The following SLC17A1 variants were observed in gnomAD, a reference collection of about 807,000 sequenced individuals.
SLC17A1 encodes solute carrier family 17 member 1, also known as sodium-dependent phosphate transport protein 1.
A neutral mutation model predicts 53.5 loss-of-function variants in SLC17A1; 51 were observed. That is an observed-to-expected ratio of 0.95 (90% confidence interval 0.76 to 1.20). SLC17A1 has a LOEUF of 1.20. Among genes scored for constraint, SLC17A1 ranks in the 50% most tolerant of loss-of-function variants. SLC17A1 has a pLI of 0.00. For missense variants in SLC17A1, 538 were observed against 568.2 expected, an observed-to-expected ratio of 0.95 and a Z score of 0.54; for synonymous variants, 179 against 198.8, an observed-to-expected ratio of 0.90 and a Z score of 0.84.
chr6:25,776,591 T>A, the SLC17A1 span: 1 of 1,597,084 alleles, frequency 6.3e-7, no homozygotes, highest in Non-Finnish European at 8.5e-7. Flanking sequence ...TCTCTGGTCC[T>A]CAGAGTGGGA....
chr6:25,726,864 A>G, the SLC17A1 span: 7 of 1,569,606 alleles, frequency 4.5e-6, no homozygotes, highest in African/African-American at 1.4e-5. Context: ...GTGCTGTGTA[A>G]CCCTGGAAAA....
chr6:25,821,562 C>G (rs928017298), intron 3 of SLC17A1, among the ~76,000 whole-genome samples: 9 of 152,212 alleles, frequency 5.9e-5, no homozygotes, highest in Non-Finnish European at 1.0e-4. Flanking sequence ...ATCAGGTGGG[C>G]CAGCAGGCAT....
the SLC17A1 span, chr6:25,725,988 C>G: frequency 5.5e-6 from 4 of 726,158 alleles, no homozygotes; most frequent in Non-Finnish European, 8.9e-6. Flanking sequence ...CTTAAACGGG[C>G]ATTTGTGACA....
chr6:25,799,738 T>C (rs1351971459), intron 11 of SLC17A1, among the ~76,000 whole-genome samples: 1 of 152,198 alleles, frequency 6.6e-6, no homozygotes, highest in African/African-American at 2.4e-5. Context: ...ACATCTTGGA[T>C]GTTTGCAGAG....
In SLC17A1 at chr6:25,826,596, G is replaced by C. The variant is rs1344401080; in HGVS notation, c.72C>G (p.Phe24Leu). Residue 24 changes from phenylalanine to leucine, a missense_variant, in exon 3 of 13, where the codon TTC (phenylalanine) becomes TTG (leucine). Transcript: ENST00000244527. The stretch of plus-strand genomic sequence containing the variant: ...TTATAACATTACAACAGTGCACAAG[G>C]AAAGACAATCCATAGCGAAAGGAAC... ...GFCSFRYGLS[F>L]LVHCCNVIIT... The C allele has an allele frequency of 5.6e-6, 9 of 1,596,210 alleles. No individual in the cohort carries two copies. The highest frequency in any genetic ancestry group is 7.7e-6 in the Non-Finnish European group (9 of 1,170,676).
chr6:25,796,438 C>T (rs1332466822), intron 12 of SLC17A1, among the ~76,000 whole-genome samples: 5 of 151,608 alleles, frequency 3.3e-5, no homozygotes, highest in South Asian at 2.1e-4. Flanking sequence ...TTTTGAGTGA[C>T]GCTATCAATT....
chr6:25,776,918 TGAATCAGGAGCCCTTGTTAACTTCTTG>T, the SLC17A1 span: 1 of 1,613,740 alleles, frequency 6.2e-7, no homozygotes, highest in Non-Finnish European at 8.5e-7. Context: ...GCAGCTTCTG[TGAATCAGGAGCCCTTGTTAACTTCTTG>T]GATATTGCTC....
chr6:25,753,266 T>G, the SLC17A1 span, among the ~76,000 whole-genome samples: 2 of 151,944 alleles, frequency 1.3e-5, no homozygotes, highest in Non-Finnish European at 2.9e-5. Context: ...GCAGAACTAG[T>G]TGGAATTTAG....
intron 2 of SLC17A1, among the ~76,000 whole-genome samples, chr6:25,827,010 C>T (rs893096245): frequency 6.6e-6 from 1 of 151,976 alleles, no homozygotes; most frequent in African/African-American, 2.4e-5. Context: ...TTAAAAAATA[C>T]TCTGGTTGAA....
the SLC17A1 span, among the ~76,000 whole-genome samples, chr6:25,723,786 G>C: frequency 1.3e-5 from 2 of 152,296 alleles, no homozygotes; most frequent in Non-Finnish European, 2.9e-5. Flanking sequence ...CTGTGCGACA[G>C]AGGAAGGCTG....
the SLC17A1 span, chr6:25,726,695 A>G: frequency 7.5e-6 from 8 of 1,069,800 alleles, no homozygotes; most frequent in South Asian, 1.1e-4. Flanking sequence ...GCCACTTCCC[A>G]TTGTCCAATC....
chr6:25,783,781 G>A (rs1282537905), intron 12 of SLC17A1, among the ~76,000 whole-genome samples: 2 of 151,168 alleles, frequency 1.3e-5, no homozygotes, highest in African/African-American at 4.9e-5. Context: ...TTGTGGTCCT[G>A]CACCCACCAC....
the SLC17A1 span, chr6:25,769,138 C>T: frequency 6.2e-7 from 1 of 1,614,080 alleles, no homozygotes; most frequent in Non-Finnish European, 8.5e-7. Flanking sequence ...GAACGGCCCT[C>T]CACTGACTCC....
At chr6:25,726,899 T>C in the SLC17A1 span, 8 of 1,607,602 alleles carry the variant, frequency 5.0e-6, no homozygotes, top group African/African-American at 1.3e-5. Context: ...TGCAGAAGTG[T>C]GTGGTAGCTA....
At chr6:25,820,214 G>A (rs1384622911) in intron 3 of SLC17A1, among the ~76,000 whole-genome samples, 1 of 152,190 alleles carries the variant, frequency 6.6e-6, no homozygotes, top group Non-Finnish European at 1.5e-5. Flanking sequence ...TAAACTGCAT[G>A]TAAACTCCTC....
In SLC17A1 at chr6:25,830,620, AACACGT is replaced by A; in HGVS notation, c.-50-19_-50-14del. 6.3e-7 allele frequency: 1 copy of A among 1,598,160 alleles called. No homozygotes were observed. The highest frequency in any genetic ancestry group is 8.6e-7 in the Non-Finnish European group (1 of 1,166,370). On this transcript the variant is annotated splice_polypyrimidine_tract_variant and intron_variant, in intron 1 of 12. Coordinates refer to ENST00000244527, the MANE Select transcript of SLC17A1 (RefSeq NM_005074.5). ...TTGCCTCCACCCACTGTGAGTGCAA[AACACGT>A]TGATGTCAGCATAATGTAGAGAGGC...
chr6:25,787,309 A>G (rs1489753999), intron 12 of SLC17A1, among the ~76,000 whole-genome samples: 2 of 151,346 alleles, frequency 1.3e-5, no homozygotes, highest in Non-Finnish European at 2.9e-5. Context: ...AAACATAGCT[A>G]AACCCCATCT....
intron 10 of SLC17A1, among the ~76,000 whole-genome samples, chr6:25,801,971 G>C (rs1183048523): frequency 6.6e-6 from 1 of 152,062 alleles, no homozygotes; most frequent in Non-Finnish European, 1.5e-5. Context: ...CACAGGTAGA[G>C]CTTGGAATGG....
chr6:25,778,064 G>T, downstream of SLC17A1: 1 of 1,504,396 alleles, frequency 6.6e-7, no homozygotes, highest in Non-Finnish European at 9.2e-7. Flanking sequence ...ACCTATAGAG[G>T]CATGGTTTTT....
Sources: gnomAD v4.1 joint callset for allele counts (sites outside exome capture counted in the v4.1 genomes callset) on GRCh38, gnomAD v4.1.1 for gene constraint, MANE v1.5 for transcripts, NCBI Gene and HGNC (gene_info 2026-07-23, HGNC 2026-07-21) for gene names.